DMD: variants seen among roughly 807,000 people sequenced by gnomAD.
The protein encoded by DMD is dystrophin, also known as mutant dystrophin.
In DMD, 63 loss-of-function variants were observed where a neutral mutation model predicts 330.1. The observed-to-expected ratio is 0.19, with a 90% CI of 0.16 to 0.24. The LOEUF (loss-of-function observed/expected upper bound fraction) is 0.24. Among genes scored for constraint, DMD ranks in the 10% least tolerant of loss-of-function variants. The pLI, the probability that DMD is intolerant of heterozygous loss-of-function variation, is 1.00. For synonymous variants in DMD, 1,223 were observed against 959.8 expected, an observed-to-expected ratio of 1.27 and a Z score of -5.07; for missense variants, 3,344 against 2,684.1, an observed-to-expected ratio of 1.25 and a Z score of -5.43.
rs773939250 is a variant in DMD, at chrX:31,289,251, C to CAAAA, written c.9225-28239_9225-28236dup. Among the ~76,000 whole-genome samples the CAAAA allele has an allele frequency of 3.8e-4, 9 of 23,576 alleles. 1 individual carries two copies. Among genetic ancestry groups the CAAAA allele is most frequent in the African/African-American group, 1.5e-3 (7 of 4,567 alleles). The allele number at this position is 23,576 out of a possible 115,157, so 20.5% of individuals were successfully genotyped here. A position where few individuals can be genotyped will look rare whatever the true frequency, so the allele number is the denominator to read the frequency against. ...CTGCACTCCAGCCTGGGTGACAGAGCAAAAAAAAAAAAAATAAAAAATAAA... is the reference window on the plus strand; with the variant it reads ...CTGCACTCCAGCCTGGGTGACAGAGCAAAAAAAAAAAAAAAAAATAAAAAATAAA... On this transcript the variant is annotated intron_variant, in intron 62 of 78. Transcript: ENST00000357033.
chrX:31,930,499 A>G (rs2094839947), intron 46 of DMD, among the ~76,000 whole-genome samples: 1 of 111,215 alleles, frequency 9.0e-6, no homozygotes, highest in Admixed American at 9.6e-5. Context: ...TTAACACTTC[A>G]TTTTTGTCAA....
intron 11 of DMD, among the ~76,000 whole-genome samples, chrX:32,642,492 G>T (rs996960440): frequency 1.8e-5 from 2 of 111,832 alleles, no homozygotes; most frequent in African/African-American, 6.5e-5. Flanking sequence ...TTCTCTAGTG[G>T]GATGGGGATG....
At chrX:32,036,038 G>A (rs1023617090) in intron 44 of DMD, among the ~76,000 whole-genome samples, 9 of 111,644 alleles carry the variant, frequency 8.1e-5, no homozygotes, top group African/African-American at 2.6e-4. Flanking sequence ...AGGTTAGGGC[G>A]AAGTGTGTTA....
intron 52 of DMD, among the ~76,000 whole-genome samples, chrX:31,705,090 C>A (rs2084083694): frequency 8.9e-6 from 1 of 111,991 alleles, no homozygotes; most frequent in Non-Finnish European, 1.9e-5. Flanking sequence ...TGGGAATCCA[C>A]TGAAAGGTTT....
chrX:32,080,036 G>C (rs10521983), intron 44 of DMD, among the ~76,000 whole-genome samples: 12,166 of 111,847 alleles, frequency 0.11, 827 homozygotes, highest in African/African-American at 0.22. Flanking sequence ...TGGGTATAGA[G>C]GCCACCAGAA....
At chrX:32,500,191 A>T (rs754533084) in intron 19 of DMD, among the ~76,000 whole-genome samples, 45 of 110,935 alleles carry the variant, frequency 4.1e-4, no homozygotes, top group Admixed American at 1.8e-3. Context: ...CAGATGGATT[A>T]TTATTTTCAC....
chrX:31,312,974 G>A (rs2055646472), intron 62 of DMD, among the ~76,000 whole-genome samples: 1 of 109,242 alleles, frequency 9.2e-6, no homozygotes, highest in Non-Finnish European at 1.9e-5. Context: ...TTGAAGGGAG[G>A]GAACTTAGAC....
At chrX:31,692,768 T>C (rs181333234) in intron 52 of DMD, among the ~76,000 whole-genome samples, 77 of 111,564 alleles carry the variant, frequency 6.9e-4, no homozygotes, top group African/African-American at 2.4e-3. Context: ...GTTAAGGAGA[T>C]TGCATCAGTA....
At chrX:33,296,257 T>C (rs1192740258) in intron 1 of DMD, among the ~76,000 whole-genome samples, 1 of 110,914 alleles carries the variant, frequency 9.0e-6, no homozygotes, top group Admixed American at 9.7e-5. Context: ...GTCTCCCACA[T>C]GAAACATCAC....
intron 44 of DMD, among the ~76,000 whole-genome samples, chrX:32,137,976 G>T (rs1465082765): frequency 9.2e-6 from 1 of 108,645 alleles, no homozygotes; most frequent in African/African-American, 3.4e-5. Flanking sequence ...TTCCAATTTG[G>T]CAGATCTCGG....
intron 30 of DMD, among the ~76,000 whole-genome samples, chrX:32,406,261 T>A (rs372077870): frequency 9.0e-6 from 1 of 111,459 alleles, no homozygotes; most frequent in African/African-American, 3.3e-5. Flanking sequence ...TCCTGCCTAA[T>A]TGCCCTGGCC....
chrX:32,390,092 C>A lies in DMD; in HGVS notation c.4323G>T (p.Leu1441=), dbSNP rs777712150. 2.3e-5 allele frequency: 28 copies of A among 1,206,174 alleles called. No individual in the cohort carries two copies. In the South Asian group the frequency reaches 4.2e-4, roughly 18 times the overall value. ...NQGKEAAQRV[L]SQIDVAQKKL... Reference sequence around the variant, plus strand: ...ATACCTGTGCAACATCAATCTGAGACAGGACTCTTTGGGCAGCCTCCTTCC... The same window carrying A: ...ATACCTGTGCAACATCAATCTGAGAAAGGACTCTTTGGGCAGCCTCCTTCC... Residue 1441 remains leucine, a synonymous_variant, in exon 31 of 79, where the codon CTG becomes CTT. Transcript: ENST00000357033.
chrX:32,770,066 T>C (rs1007914301), intron 7 of DMD, among the ~76,000 whole-genome samples: 18 of 111,319 alleles, frequency 1.6e-4, no homozygotes, highest in African/African-American at 5.6e-4. Flanking sequence ...ATTCCCAAGG[T>C]TGGTGTAACT....
At chrX:33,277,410 C>A (rs113867784) in intron 1 of DMD, among the ~76,000 whole-genome samples, 3,520 of 111,119 alleles carry the variant, frequency 0.032, 134 homozygotes, top group African/African-American at 0.11. Flanking sequence ...AAAATGGTTA[C>A]TTTTATGTTA....
intron 44 of DMD, among the ~76,000 whole-genome samples, chrX:31,974,554 A>G (rs1347348015): frequency 1.8e-5 from 2 of 109,804 alleles, no homozygotes; most frequent in Admixed American, 9.7e-5. Flanking sequence ...CCTTACTAAT[A>G]CAAATGCTGA....
chrX:33,009,293 T>TATACAC (rs796989339), intron 2 of DMD, among the ~76,000 whole-genome samples: 7 of 32,487 alleles, frequency 2.2e-4, no homozygotes, highest in African/African-American at 6.3e-4. Flanking sequence ...TATGTGTGTA[T>TATACAC]ATGTGTATAT....
intron 53 of DMD, among the ~76,000 whole-genome samples, chrX:31,673,751 A>G (rs1026489701): frequency 2.7e-5 from 3 of 112,323 alleles, no homozygotes; most frequent in African/African-American, 9.7e-5. Context: ...AAAATATGGT[A>G]CAATCAAAGC....
At chrX:31,778,558 T>C (rs1474173177) in intron 50 of DMD, among the ~76,000 whole-genome samples, 2 of 99,141 alleles carry the variant, frequency 2.0e-5, no homozygotes, top group Non-Finnish European at 4.0e-5. Context: ...AGTTTTGAAG[T>C]CCTGAAATTT....
intron 2 of DMD, among the ~76,000 whole-genome samples, chrX:32,859,062 G>A (rs66598665): frequency 0.17 from 18,861 of 110,801 alleles, 1,573 homozygotes; most frequent in African/African-American, 0.31. Context: ...ACATAGGAAC[G>A]TTATACAGAT....
Sources: gnomAD v4.1 joint callset for allele counts (sites outside exome capture counted in the v4.1 genomes callset) on GRCh38, gnomAD v4.1.1 for gene constraint, MANE v1.5 for transcripts, NCBI Gene and HGNC (gene_info 2026-07-23, HGNC 2026-07-21) for gene names.